Variants in MAML3 observed in about 807,000 individuals in gnomAD.
The protein encoded by MAML3 is mastermind-like protein 3.
Under a neutral mutation model 101.9 loss-of-function variants are expected in MAML3, and 27 were observed. The ratio of observed to expected loss-of-function variants is 0.27; its 90% CI spans 0.20 to 0.37. MAML3 has a LOEUF of 0.37. Ranked by LOEUF, MAML3 falls within the 10% of genes least tolerant of loss-of-function variation. The pLI, the probability that MAML3 is intolerant of heterozygous loss-of-function variation, is 1.00. For missense variants in MAML3, 1,316 were observed against 1,444.9 expected (o/e 0.91, Z 1.45); for synonymous variants, 501 against 555.9 (o/e 0.90, Z 1.39).
chr4:140,048,061 G>A (rs1437577009), intron 1 of MAML3, among the ~76,000 whole-genome samples: 1 of 152,000 alleles, frequency 6.6e-6, no homozygotes, highest in Non-Finnish European at 1.5e-5. Flanking sequence ...TTTAGTTTTG[G>A]TTCAAACAAA....
At chr4:139,789,368 G>T (rs1023153029) in intron 2 of MAML3, among the ~76,000 whole-genome samples, 2 of 152,170 alleles carry the variant, frequency 1.3e-5, no homozygotes, top group Non-Finnish European at 2.9e-5. Flanking sequence ...CTTCACAAAG[G>T]GTGTTGGAGC....
intron 1 of MAML3, among the ~76,000 whole-genome samples, chr4:139,897,687 G>C (rs184449220): frequency 4.5e-4 from 69 of 152,208 alleles, no homozygotes; most frequent in African/African-American, 1.6e-3. Context: ...TCTCTGCATC[G>C]TGGCTGTGGT....
In MAML3 at chr4:140,153,475, A is replaced by G. The variant is rs6857288; in HGVS notation, c.-148T>C. On this transcript the variant is annotated 5_prime_UTR_variant, in exon 1 of 5. Transcript: ENST00000509479. ...TGGAAACGGCGATCCCGACGGGGCG[A>G]AAAAAACGGGGGGGGAGATTTTGGG... 6,403 of 866,616 alleles carry G rather than the reference A, an allele frequency of 7.4e-3. 337 individuals are homozygous for G. The African/African-American group carries it at 0.11, about 14-fold the overall frequency. 53.7% of individuals were successfully genotyped at this position (866,616 alleles called of 1,614,324 possible). A position where few individuals can be genotyped will look rare whatever the true frequency, so the allele number is the denominator to read the frequency against.
intron 2 of MAML3, among the ~76,000 whole-genome samples, chr4:139,819,467 G>A (rs1333001058): frequency 6.6e-6 from 1 of 152,032 alleles, no homozygotes; most frequent in Non-Finnish European, 1.5e-5. Context: ...AAGCTGCTTC[G>A]ATATCTTATT....
At chr4:139,950,694 C>T (rs1401971643) in intron 1 of MAML3, among the ~76,000 whole-genome samples, 3 of 152,174 alleles carry the variant, frequency 2.0e-5, no homozygotes, top group Non-Finnish European at 4.4e-5. Context: ...GATTCTAAAC[C>T]ACACGCCTTC....
At chr4:139,872,915 T>C (rs1317234240) in intron 2 of MAML3, among the ~76,000 whole-genome samples, 1 of 151,830 alleles carries the variant, frequency 6.6e-6, no homozygotes, top group African/African-American at 2.4e-5. Flanking sequence ...CCGTCTATAC[T>C]AAAAATATTA....
intron 1 of MAML3, among the ~76,000 whole-genome samples, chr4:140,011,338 TTTTG>T (rs1224531194): frequency 2.6e-5 from 1 of 38,932 alleles, no homozygotes; most frequent in Non-Finnish European, 8.7e-5. Context: ...GGTTTTCTTG[TTTTG>T]TTTTTTTTTT....
At chr4:139,770,118 G>T (rs1729945266) in intron 2 of MAML3, among the ~76,000 whole-genome samples, 1 of 151,896 alleles carries the variant, frequency 6.6e-6, no homozygotes, top group Admixed American at 6.6e-5. Context: ...TTTTTGTAGA[G>T]ACAGGGCCTC....
chr4:139,889,522 C>CTGCTGT lies in MAML3; in HGVS notation c.1908_1913dup (p.Gln649_Gln650dup). ...GCTGCTGCTGCTGTTGCTGTTGCTG[C>CTGCTGT]TGCTGTTGCTGCTGCTGGATATACG... is the stretch of plus-strand genomic sequence containing the variant. On this transcript the variant is annotated inframe_insertion, in exon 2 of 5. Coordinates refer to ENST00000509479, the MANE Select transcript of MAML3 (RefSeq NM_018717.5). 1 of 1,611,836 alleles carries CTGCTGT rather than the reference C, an allele frequency of 6.2e-7. No homozygotes were observed. The highest frequency in any genetic ancestry group is 8.5e-7 in the Non-Finnish European group (1 of 1,178,426).
chr4:139,943,864 C>CCTTTTTTTTTTTTTTTTTTTTTTTTT (rs1733652525), intron 1 of MAML3, among the ~76,000 whole-genome samples: 2 of 65,824 alleles, frequency 3.0e-5, no homozygotes, highest in Non-Finnish European at 5.7e-5. Flanking sequence ...CTAAAGACAA[C>CCTTTTTTTTTTTTTTTTTTTTTTTTT]TTTTTTTTTT....
intron 2 of MAML3, among the ~76,000 whole-genome samples, chr4:139,882,134 G>C (rs991314873): frequency 6.6e-6 from 1 of 152,120 alleles, no homozygotes; most frequent in African/African-American, 2.4e-5. Context: ...GGAAATCTCA[G>C]AGCATAGAGC....
At chr4:139,765,751 G>T (rs1195642348) in intron 2 of MAML3, among the ~76,000 whole-genome samples, 1 of 152,172 alleles carries the variant, frequency 6.6e-6, no homozygotes, top group African/African-American at 2.4e-5. Flanking sequence ...ACTTCGGGAG[G>T]CTGAGGCAGG....
At chr4:139,996,163 C>G (rs1734808787) in intron 1 of MAML3, among the ~76,000 whole-genome samples, 1 of 152,028 alleles carries the variant, frequency 6.6e-6, no homozygotes, top group Non-Finnish European at 1.5e-5. Flanking sequence ...GTTTTATGGC[C>G]TAGCATACAG....
At chr4:140,151,841 C>T (rs1729176793) in intron 1 of MAML3, among the ~76,000 whole-genome samples, 1 of 152,206 alleles carries the variant, frequency 6.6e-6, no homozygotes, top group Admixed American at 6.5e-5. Context: ...GAAGTTAAGC[C>T]ATTGGCTGCT....
chr4:140,071,809 T>C (rs1727661097), intron 1 of MAML3, among the ~76,000 whole-genome samples: 1 of 147,042 alleles, frequency 6.8e-6, no homozygotes, highest in South Asian at 2.2e-4. Context: ...CTGCTTTATG[T>C]TCTCAGTGAC....
intron 1 of MAML3, among the ~76,000 whole-genome samples, chr4:139,906,505 T>C (rs1732823698): frequency 6.6e-6 from 1 of 152,148 alleles, no homozygotes; most frequent in African/African-American, 2.4e-5. Context: ...AGTGGGAAAA[T>C]CGAGGCATAG....
chr4:140,043,840 A>G (rs570971396), intron 1 of MAML3, among the ~76,000 whole-genome samples: 2 of 152,336 alleles, frequency 1.3e-5, no homozygotes, highest in East Asian at 3.9e-4. Context: ...TCTAGAGAAA[A>G]TCAGCGAATA....
chr4:139,792,748 CT>C (rs397975047), intron 2 of MAML3, among the ~76,000 whole-genome samples: 230 of 142,492 alleles, frequency 1.6e-3, no homozygotes, highest in Non-Finnish European at 1.6e-3. Context: ...TTCTTTCTTT[CT>C]TTTTTTTTTT....
rs931777152 is a variant in MAML3, at chr4:140,120,109, C to T, written c.468+32751G>A. Among the ~76,000 whole-genome samples, 11 of 151,964 alleles carry T rather than the reference C, an allele frequency of 7.2e-5. No individual in the cohort carries two copies. The South Asian group carries it at 8.4e-4, about 12-fold the overall frequency. On this transcript the variant is annotated intron_variant, in intron 1 of 4. Coordinates refer to ENST00000509479, the MANE Select transcript of MAML3 (RefSeq NM_018717.5). ...AAAATTAGCCGGGCGTGGTGGCGGG[C>T]GCCTGTAGTCCCAGCTACTCGGGAG... is the stretch of plus-strand genomic sequence containing the variant.
Sources: gnomAD v4.1 joint callset for allele counts (sites outside exome capture counted in the v4.1 genomes callset) on GRCh38, gnomAD v4.1.1 for gene constraint, MANE v1.5 for transcripts, NCBI Gene and HGNC (gene_info 2026-07-23, HGNC 2026-07-21) for gene names.